SLC10A6: variants seen among roughly 807,000 people sequenced by gnomAD.
SLC10A6 encodes the protein solute carrier family 10 member 6.
In SLC10A6, 27 loss-of-function variants were observed where a neutral mutation model predicts 30.0. The observed-to-expected ratio is 0.90, with a 90% CI of 0.66 to 1.24. The LOEUF (loss-of-function observed/expected upper bound fraction) is 1.24, where lower values mean the gene tolerates loss of function less well. Among genes scored for constraint, SLC10A6 ranks in the 50% most tolerant of loss-of-function variants. SLC10A6 has a pLI of 0.00. For missense variants in SLC10A6, 439 were observed against 457.0 expected, an observed-to-expected ratio of 0.96 and a Z score of 0.36; for synonymous variants, 166 against 173.8, an observed-to-expected ratio of 0.95 and a Z score of 0.36.
intron 1 of SLC10A6, among the ~76,000 whole-genome samples, chr4:86,835,985 T>A (rs1746178892): frequency 6.6e-6 from 1 of 152,172 alleles, no homozygotes; most frequent in African/African-American, 2.4e-5. Flanking sequence ...TCAGTCTGTT[T>A]ATCTGTGTCA....
Position 86,823,744 on chromosome 4 carries a change from G to A in SLC10A6, c.1078C>T (p.Pro360Ser). Residue 360 changes from proline (P) to serine (S), a missense_variant, in exon 6 of 6, where the codon CCA becomes TCA. Transcript: ENST00000273905. ...TCGAGAGCCCTGTGGCAATCCATTG[G>A]CCCTGGTGGCCCAGGAGTGATGGCA... ...EGAITPGPPG[P>S]MDCHRALEPV... is the part of the protein sequence containing the mutation. The A allele has an allele frequency of 1.9e-6, 3 of 1,614,070 alleles. No homozygotes were observed. The highest frequency in any genetic ancestry group is 2.5e-6 in the Non-Finnish European group (3 of 1,179,994).
chr4:86,828,376 G>A (rs1040324380), intron 3 of SLC10A6, among the ~76,000 whole-genome samples: 1 of 152,114 alleles, frequency 6.6e-6, no homozygotes, highest in Non-Finnish European at 1.5e-5. Context: ...AATTGGTGGA[G>A]TTTGACACAA....
At chr4:86,838,871 C>A (rs1441969963) in intron 1 of SLC10A6, among the ~76,000 whole-genome samples, 1 of 138,450 alleles carries the variant, frequency 7.2e-6, no homozygotes, top group Non-Finnish European at 1.5e-5. Context: ...TGCAGTGAGC[C>A]GAGATCATGC....
intron 1 of SLC10A6, among the ~76,000 whole-genome samples, chr4:86,842,869 TC>T (rs1238944742): frequency 2.5e-4 from 17 of 68,112 alleles, no homozygotes; most frequent in Non-Finnish European, 3.5e-4. Context: ...TTTCTTTCTT[TC>T]TTTCTTTTTT....
chr4:86,833,493 G>A, intron 1 of SLC10A6, 69 bp from the exon 2 acceptor site: 1 of 1,146,880 alleles, frequency 8.7e-7, no homozygotes, highest in Non-Finnish European at 1.3e-6. Context: ...TTTACCAAAA[G>A]CAACTCCTAG....
At position 86,831,859 on chromosome 4, in the gene SLC10A6, G is replaced by A. The variant is rs1277134473; in HGVS notation, c.518C>T (p.Thr173Ile). 2.5e-6 allele frequency: 4 copies of A among 1,613,262 alleles called. No individual in the cohort carries two copies. The highest frequency in any genetic ancestry group is 1.7e-5 in the Admixed American group (1 of 59,990). The change falls in exon 3 of 6, where the codon ACC becomes ATC. Residue 173 changes from threonine to isoleucine, a missense_variant. By Grantham distance (89) the Thr-to-Ile change is moderately conservative. Transcript: ENST00000273905. Reference sequence around the variant, plus strand: ...ATAGACACCAAAGGCCACAGGAATGGTCAGGCACACAAGGGTAATTCCTAA... The same window carrying A: ...ATAGACACCAAAGGCCACAGGAATGATCAGGCACACAAGGGTAATTCCTAA... Reference protein sequence around the residue: ...QNIGITLVCLTIPVAFGVYVN... With the variant: ...QNIGITLVCLIIPVAFGVYVN...
At chr4:86,841,412 C>T (rs538767637) in intron 1 of SLC10A6, among the ~76,000 whole-genome samples, 53 of 152,284 alleles carry the variant, frequency 3.5e-4, no homozygotes, top group African/African-American at 1.2e-3. Flanking sequence ...TGGAAAGTCA[C>T]GCCTTGTATT....
At chr4:86,832,669 C>T (rs1318961356) in intron 2 of SLC10A6, among the ~76,000 whole-genome samples, 2 of 151,914 alleles carry the variant, frequency 1.3e-5, no homozygotes, top group East Asian at 3.9e-4. Context: ...ATCATTTCAC[C>T]ACATTTCTCT....
rs1307382375 is a variant in SLC10A6, at chr4:86,823,802, C to A, written c.1020G>T (p.Glu340Asp). ...CATTCACCTCCAAGAAGGCATTGGT[C>A]TCTCTGGAAGAAGTCGATTTCCTCG... The part of the protein sequence containing the change: ...CHTRKSTSSR[E>D]TNAFLEVNEE... The change falls in exon 6 of 6, where the codon GAG becomes GAT. Residue 340 changes from glutamate to aspartate, a missense_variant. Physicochemically the swap from Glu to Asp is conservative, Grantham distance 45. Coordinates refer to ENST00000273905, the MANE Select transcript of SLC10A6 (RefSeq NM_197965.3). 6.2e-7 allele frequency: 1 copy of A among 1,614,212 alleles called. No individual in the cohort carries two copies. The highest frequency in any genetic ancestry group is 1.3e-5 in the African/African-American group (1 of 75,066).
At chr4:86,827,056 G>A (rs1164369211) in intron 4 of SLC10A6, among the ~76,000 whole-genome samples, 5 of 152,212 alleles carry the variant, frequency 3.3e-5, no homozygotes, top group Admixed American at 6.5e-5. Flanking sequence ...TCAAAAACTC[G>A]ATATGATTAA....
chr4:86,840,785 T>C (rs1326279024), intron 1 of SLC10A6, among the ~76,000 whole-genome samples: 2 of 152,232 alleles, frequency 1.3e-5, no homozygotes, highest in Non-Finnish European at 2.9e-5. Context: ...AATACTAGAC[T>C]AATTACAGTG....
intron 1 of SLC10A6, among the ~76,000 whole-genome samples, chr4:86,833,824 T>G (rs1746130814): frequency 6.6e-6 from 1 of 152,154 alleles, no homozygotes; most frequent in Admixed American, 6.5e-5. Flanking sequence ...CAGGATAGTT[T>G]CATCACCCCA....
At chr4:86,837,631 A>T (rs1746223394) in intron 1 of SLC10A6, 1 of 985,278 alleles carries the variant, frequency 1.0e-6, no homozygotes, top group Non-Finnish European at 1.2e-6. Context: ...CTCACTCCCA[A>T]ATCGCAAGTT....
In SLC10A6 at chr4:86,833,410, G is replaced by A; in HGVS notation, c.392C>T (p.Thr131Ile). 6.2e-7 allele frequency: 1 copy of A among 1,613,314 alleles called. No homozygotes were observed. Among genetic ancestry groups the A allele is most frequent in the Non-Finnish European group, 8.5e-7 (1 of 1,179,330 alleles). Reference sequence around the variant, plus strand: ...TCCCAGGGCGGCCACGGTGGAACAGGTTGTCATACTGATGCTGAAAGTAAA... The same window carrying A: ...TCCCAGGGCGGCCACGGTGGAACAGATTGTCATACTGATGCTGAAAGTAAA... ...GDMDLSISMT[T>I]CSTVAALGMM... The change falls in exon 2 of 6, where the codon ACC becomes ATC. Residue 131 changes from threonine (T) to isoleucine (I), a missense_variant. Thr to Ile is a moderately conservative substitution (Grantham distance 89). Transcript: ENST00000273905.
chr4:86,849,094 T>C lies in SLC10A6; in HGVS notation c.22A>G (p.Ser8Gly), dbSNP rs760716395. ...GAACTGTTGGCAGGGCAGGCTGAGC[T>C]GCTGGAACAATTGGCTCTCATCTCC... MRANCSSSSACPANSSEE... is the reference protein window; with the variant it reads MRANCSSGSACPANSSEE... The change falls in exon 1 of 6, where the codon AGC becomes GGC. Residue 8 changes from serine (S) to glycine (G), a missense_variant. Physicochemically the swap from Ser to Gly is moderately conservative, Grantham distance 56. Coordinates refer to ENST00000273905, the MANE Select transcript of SLC10A6 (RefSeq NM_197965.3). 3 of 1,613,542 alleles carry C rather than the reference T, an allele frequency of 1.9e-6. No homozygotes were observed. The South Asian group carries it at 3.3e-5, about 18-fold the overall frequency.
intron 1 of SLC10A6, among the ~76,000 whole-genome samples, chr4:86,834,266 C>T (rs1746143440): frequency 6.6e-6 from 1 of 152,152 alleles, no homozygotes; most frequent in Non-Finnish European, 1.5e-5. Context: ...CCCCTTCCAC[C>T]ATGGGTGGGG....
chr4:86,835,635 C>G (rs1428646875), intron 1 of SLC10A6, among the ~76,000 whole-genome samples: 1 of 151,312 alleles, frequency 6.6e-6, no homozygotes, highest in Non-Finnish European at 1.5e-5. Context: ...CCACTGCACT[C>G]CAGCCTGGGC....
At chr4:86,839,274 A>C (rs1417442659) in intron 1 of SLC10A6, among the ~76,000 whole-genome samples, 8 of 113,934 alleles carry the variant, frequency 7.0e-5, no homozygotes, top group African/African-American at 3.1e-4. Flanking sequence ...TGGTCTCTAC[A>C]AAAAAAAAAA....
At chr4:86,846,681 G>A (rs760460375) in intron 1 of SLC10A6, among the ~76,000 whole-genome samples, 10 of 152,080 alleles carry the variant, frequency 6.6e-5, no homozygotes, top group East Asian at 1.9e-4. Context: ...AGCCGAGATC[G>A]CACCATTGCA....
Sources: gnomAD v4.1 joint callset for allele counts (sites outside exome capture counted in the v4.1 genomes callset) on GRCh38, gnomAD v4.1.1 for gene constraint, MANE v1.5 for transcripts, NCBI Gene and HGNC (gene_info 2026-07-23, HGNC 2026-07-21) for gene names.